Variants in TBCD observed in about 807,000 individuals in gnomAD.
TBCD encodes the protein tubulin-specific chaperone D.
In TBCD, 105 loss-of-function variants were observed where a neutral mutation model predicts 169.3. That is an observed-to-expected ratio of 0.62 (90% confidence interval 0.53 to 0.73). The LOEUF (loss-of-function observed/expected upper bound fraction) is 0.73. Ranked by LOEUF, TBCD falls within the 30% of genes least tolerant of loss-of-function variation. The pLI is 0.00. For synonymous variants in TBCD, 700 were observed against 643.9 expected, an observed-to-expected ratio of 1.09 and a Z score of -1.32; for missense variants, 1,444 against 1,600.1, an observed-to-expected ratio of 0.90 and a Z score of 1.66.
In TBCD at chr17:82,907,777, C is replaced by G. The variant is rs1599439165; in HGVS notation, c.1939C>G (p.Leu647Val). The change falls in exon 21 of 39, where the codon CTG (leucine) becomes GTG (valine). Residue 647 changes from leucine to valine, a missense_variant. Coordinates refer to ENST00000355528, the MANE Select transcript of TBCD (RefSeq NM_005993.5). ...CTTCTGCAGGCCCGTCACGGACCAT[C>G]TGGACGAGCAGGCAGTGCAGGGCCT... is the stretch of plus-strand genomic sequence containing the variant. ...AQENRPVTDH[L>V]DEQAVQGLKQ... 1 of 1,613,790 alleles carries G rather than the reference C, an allele frequency of 6.2e-7. No individual in the cohort carries two copies. The highest frequency in any genetic ancestry group is 1.1e-5 in the South Asian group (1 of 91,026).
Position 82,864,758 on chromosome 17 carries a change from G to A in TBCD, c.1319-5466G>A, listed in dbSNP as rs921932469. ...GGGGCACTGGGGGAGAGCAGAGCAG[G>A]TGATGCATATCCGGGCGCCCACCCT... is the stretch of plus-strand genomic sequence containing the variant. On this transcript the variant is annotated intron_variant, in intron 13 of 38. Coordinates refer to ENST00000355528, the MANE Select transcript of TBCD (RefSeq NM_005993.5). The surrounding 1 kb of genome is among the most constrained non-coding windows in gnomAD (Gnocchi z 6.3). 6.6e-6 allele frequency among the ~76,000 whole-genome samples: 1 copy of A among 152,052 alleles called. No individual in the cohort carries two copies. Among genetic ancestry groups the A allele is most frequent in the Non-Finnish European group, 1.5e-5 (1 of 67,994 alleles).
chr17:82,895,235 G>A (rs1205963796), intron 17 of TBCD, among the ~76,000 whole-genome samples: 6 of 152,230 alleles, frequency 3.9e-5, no homozygotes, highest in African/African-American at 1.2e-4. Context: ...AGGACGCACC[G>A]GCAGGCAGGC....
At chr17:82,792,375 A>G (rs1218957271) in intron 7 of TBCD, among the ~76,000 whole-genome samples, 1 of 145,142 alleles carries the variant, frequency 6.9e-6, no homozygotes, top group African/African-American at 2.8e-5. Flanking sequence ...ACACACACAT[A>G]TATGTGTATA....
chr17:82,821,858 T>C (rs2052437845), intron 13 of TBCD, among the ~76,000 whole-genome samples: 1 of 152,228 alleles, frequency 6.6e-6, no homozygotes, highest in Non-Finnish European at 1.5e-5. Flanking sequence ...AGGTGATGTT[T>C]TGAGAAAATT....
At chr17:82,924,775 C>A (rs1162740011) in intron 26 of TBCD, among the ~76,000 whole-genome samples, 164 bp from the exon 27 acceptor site, 1 of 152,164 alleles carries the variant, frequency 6.6e-6, no homozygotes, top group Non-Finnish European at 1.5e-5. Context: ...CTTTCTGATT[C>A]CTATTTTGAG....
chr17:82,937,130 C>G (rs975028012), intron 34 of TBCD, 141 bp from the exon 35 acceptor site: 1 of 685,290 alleles, frequency 1.5e-6, no homozygotes, highest in Non-Finnish European at 2.5e-6. Context: ...AGCGGACTTG[C>G]TGGCAGAGGG....
chr17:82,844,206 C>CGAGTGTGTGTGTGTGTGT (rs1555612126), intron 13 of TBCD, among the ~76,000 whole-genome samples: 1 of 127,410 alleles, frequency 7.8e-6, no homozygotes, highest in South Asian at 2.9e-4. Context: ...GGATGTTCTC[C>CGAGTGTGTGTGTGTGTGT]GTGTGTGTGT....
At chr17:82,830,001 T>G in intron 13 of TBCD, 2 of 1,287,472 alleles carry the variant, frequency 1.6e-6, no homozygotes, top group Non-Finnish European at 2.1e-6. Flanking sequence ...GGTTTTTTGT[T>G]TGTTTGTTTG....
chr17:82,900,342 T>G (rs1429374445), intron 17 of TBCD, among the ~76,000 whole-genome samples: 1 of 152,186 alleles, frequency 6.6e-6, no homozygotes, highest in Non-Finnish European at 1.5e-5. Flanking sequence ...AGATTCAGAT[T>G]GTGTGTGTTG....
intron 5 of TBCD, among the ~76,000 whole-genome samples, chr17:82,772,184 C>A (rs913668174): frequency 6.6e-6 from 1 of 152,174 alleles, no homozygotes; most frequent in Non-Finnish European, 1.5e-5. Context: ...CTGCTCTGTT[C>A]TTGCAAATGT....
intron 13 of TBCD, among the ~76,000 whole-genome samples, chr17:82,843,449 C>T (rs1450511904): frequency 1.2e-4 from 16 of 130,088 alleles, no homozygotes; most frequent in Non-Finnish European, 2.1e-4. Flanking sequence ...CTTACATACC[C>T]TTCCCTTCCC....
chr17:82,768,965 G>A (rs1458861018), intron 5 of TBCD, among the ~76,000 whole-genome samples: 3 of 152,314 alleles, frequency 2.0e-5, no homozygotes, highest in Non-Finnish European at 4.4e-5. Context: ...TGAAATTCTA[G>A]TGCCAAGAGA....
At chr17:82,877,083 A>G (rs79078984) in intron 14 of TBCD, 19,175 of 709,902 alleles carry the variant, frequency 0.027, 474 homozygotes, top group African/African-American at 0.11. Flanking sequence ...CAAATAACAC[A>G]TTTCAAGAAT....
At chr17:82,761,302 T>C (rs1042111121) in intron 2 of TBCD, among the ~76,000 whole-genome samples, 1 of 152,298 alleles carries the variant, frequency 6.6e-6, no homozygotes, top group South Asian at 2.1e-4. Flanking sequence ...GTAAATATTA[T>C]ATGGTTTGTA....
intron 9 of TBCD, among the ~76,000 whole-genome samples, chr17:82,801,293 G>A (rs2050502495): frequency 6.6e-6 from 1 of 152,202 alleles, no homozygotes; most frequent in Non-Finnish European, 1.5e-5. Context: ...AGATGTGTTA[G>A]TAACAAGTGT....
intron 3 of TBCD, among the ~76,000 whole-genome samples, chr17:82,764,273 C>G (rs1266953337): frequency 1.3e-5 from 2 of 152,156 alleles, no homozygotes; most frequent in East Asian, 1.9e-4. Context: ...CAGCATCTTG[C>G]ATTTGAATAG....
chr17:82,810,035 T>C (rs752653096), intron 12 of TBCD, among the ~76,000 whole-genome samples: 3 of 152,194 alleles, frequency 2.0e-5, no homozygotes, highest in Non-Finnish European at 4.4e-5. Context: ...TAGATGTTTA[T>C]TCTGAAAGGA....
chr17:82,864,509 T>C lies in TBCD; in HGVS notation c.1319-5715T>C, dbSNP rs902446726. On this transcript the variant is annotated intron_variant, in intron 13 of 38. Transcript: ENST00000355528. This position sits in a 1 kb window ranked among gnomAD's most constrained non-coding sequence, Gnocchi z 6.3. ...GCCAGGGTGTGTCATACACCTGGCC[T>C]GGCCTGCGTGCCTCACGTGTGGTGG... is the stretch of plus-strand genomic sequence containing the variant. The C allele has an allele frequency of 6.6e-6, 1 of 152,324 alleles. No homozygotes were observed. Among genetic ancestry groups the C allele is most frequent in the Non-Finnish European group, 1.5e-5 (1 of 68,104 alleles). 9.4% of individuals were successfully genotyped at this position (152,324 alleles called of 1,614,324 possible).
In TBCD at chr17:82,944,724, G is replaced by A. The variant is rs933451552; in HGVS notation, c.*2261G>A. 6.6e-6 allele frequency: 1 copy of A among 152,176 alleles called. No individual in the cohort carries two copies. The highest frequency in any genetic ancestry group is 2.1e-4 in the South Asian group (1 of 4,830). The allele number at this position is 152,176 out of a possible 1,614,324, so 9.4% of individuals were successfully genotyped here. On this transcript the variant is annotated 3_prime_UTR_variant, in exon 39 of 39. Transcript: ENST00000355528. ...TTGTGTACCCACAAACACGTTCTAG[G>A]TGCTAACCAGAAACCCTCCATGTGA...
Sources: gnomAD v4.1 joint callset for allele counts (sites outside exome capture counted in the v4.1 genomes callset) on GRCh38, gnomAD v4.1.1 for gene constraint, Gnocchi (gnomAD v3.1) non-coding constraint, MANE v1.5 for transcripts, NCBI Gene and HGNC (gene_info 2026-07-23, HGNC 2026-07-21) for gene names.